The following TNKS variants were observed in gnomAD, a reference collection of about 807,000 sequenced individuals.
TNKS encodes the protein tankyrase, also known as poly [ADP-ribose] polymerase tankyrase-1.
Under a neutral mutation model 135.8 loss-of-function variants are expected in TNKS, and 72 were observed. That is an observed-to-expected ratio of 0.53 (90% confidence interval 0.44 to 0.64). The LOEUF (loss-of-function observed/expected upper bound fraction) is 0.64, where lower values mean the gene tolerates loss of function less well. Ranked by LOEUF, TNKS falls within the 30% of genes least tolerant of loss-of-function variation. TNKS has a pLI of 0.00. For synonymous variants in TNKS, 849 were observed against 649.3 expected (o/e 1.31, Z -4.68); for missense variants, 1,769 against 1,674.0 (o/e 1.06, Z -0.99).
intron 5 of TNKS, among the ~76,000 whole-genome samples, chr8:9,695,693 A>G (rs1467693551): frequency 2.0e-5 from 3 of 152,210 alleles, no homozygotes; most frequent in Non-Finnish European, 1.5e-5. Flanking sequence ...GGCTGTTGCC[A>G]CTAGCCAGCT....
intron 2 of TNKS, among the ~76,000 whole-genome samples, chr8:9,584,616 T>A (rs997107960): frequency 6.6e-6 from 1 of 152,208 alleles, no homozygotes; most frequent in Non-Finnish European, 1.5e-5. Context: ...ACTTGCAAAT[T>A]AGTATAATTG....
At chr8:9,768,832 C>G (rs1411346900) in intron 25 of TNKS, among the ~76,000 whole-genome samples, 2 of 152,166 alleles carry the variant, frequency 1.3e-5, no homozygotes, top group African/African-American at 2.4e-5. Flanking sequence ...GTAGACCAAG[C>G]CAGCATCCCA....
chr8:9,672,939 C>T (rs1189155037), intron 3 of TNKS, among the ~76,000 whole-genome samples: 1 of 152,118 alleles, frequency 6.6e-6, no homozygotes, highest in African/African-American at 2.4e-5. Context: ...ACTGTGGTCA[C>T]AAAGGCTGTT....
In TNKS at chr8:9,602,508, C is replaced by G. The variant is rs1360523137; in HGVS notation, c.899-13074C>G. 2.6e-5 allele frequency among the ~76,000 whole-genome samples: 4 copies of G among 152,200 alleles called. No homozygotes were observed. In the East Asian group the frequency reaches 5.8e-4, roughly 22 times the overall value. On this transcript the variant is annotated intron_variant, in intron 2 of 26. Transcript: ENST00000310430. ...CAGGGTATCACAAGGCATTGAGCCA[C>G]CACTCAGATTAACTGAGGTTCATGT...
At position 9,731,090 on chromosome 8, in the gene TNKS, T is replaced by C. The variant is rs1414956502; in HGVS notation, c.2147+55T>C. The C allele has an allele frequency of 2.7e-6, 4 of 1,462,204 alleles. No individual in the cohort carries two copies. The Admixed American group carries it at 1.0e-4, about 38-fold the overall frequency. 90.6% of individuals were successfully genotyped at this position (1,462,204 alleles called of 1,614,324 possible). A position where few individuals can be genotyped will look rare whatever the true frequency, so the allele number is the denominator to read the frequency against. Reference sequence around the variant, plus strand: ...TCATTCTCTTCATGCTTAAAAAATTTAAAATATTTTTGAAGTCTTAGATTT... The same window carrying C: ...TCATTCTCTTCATGCTTAAAAAATTCAAAATATTTTTGAAGTCTTAGATTT... On this transcript the variant is annotated intron_variant, in intron 14 of 26. Transcript: ENST00000310430.
At chr8:9,746,485 C>T (rs1806242099) in intron 17 of TNKS, among the ~76,000 whole-genome samples, 1 of 152,102 alleles carries the variant, frequency 6.6e-6, no homozygotes. Flanking sequence ...AGTTCTTCTC[C>T]AGCTTCCATT....
intron 16 of TNKS, 67 bp downstream of exon 16, chr8:9,735,151 G>C: frequency 1.3e-6 from 2 of 1,484,956 alleles, no homozygotes; most frequent in Non-Finnish European, 1.8e-6. Flanking sequence ...TTTACTAAAA[G>C]ACGAAAGCCA....
In TNKS at chr8:9,646,877, G is replaced by C. The variant is rs368536676; in HGVS notation, c.994+31200G>C. On this transcript the variant is annotated intron_variant, in intron 3 of 26. Coordinates refer to ENST00000310430, the MANE Select transcript of TNKS (RefSeq NM_003747.3). The stretch of plus-strand genomic sequence containing the variant: ...CTTTTGTACTCTGGCAGTTCATCAA[G>C]TATTTGAAGAGCACTATTATGCGAC... Among the ~76,000 whole-genome samples, 15 of 152,060 alleles carry C rather than the reference G, an allele frequency of 9.9e-5. No individual in the cohort carries two copies. The East Asian group carries it at 1.5e-3, about 16-fold the overall frequency.
chr8:9,565,348 C>A (rs975974033), intron 1 of TNKS, among the ~76,000 whole-genome samples: 8 of 151,936 alleles, frequency 5.3e-5, no homozygotes, highest in African/African-American at 1.9e-4. Flanking sequence ...ATCCCTTTTG[C>A]CTTTTCAGTA....
intron 16 of TNKS, 122 bp downstream of exon 16, chr8:9,735,206 C>T (rs1241046571): frequency 1.7e-6 from 2 of 1,146,012 alleles, no homozygotes; most frequent in East Asian, 5.1e-5. Context: ...TCTTGATTGA[C>T]ATAGTTTTGT....
At chr8:9,735,637 A>T in intron 17 of TNKS, 151 bp downstream of exon 17, 1 of 601,522 alleles carries the variant, frequency 1.7e-6, no homozygotes, top group South Asian at 2.0e-5. Context: ...CGTCTCTACT[A>T]AAAATACAAA....
chr8:9,602,585 T>A (rs1444923386), intron 2 of TNKS, among the ~76,000 whole-genome samples: 1 of 152,204 alleles, frequency 6.6e-6, no homozygotes, highest in African/African-American at 2.4e-5. Context: ...GAGCACCTGG[T>A]GGAGCCAGTA....
At chr8:9,765,821 G>A (rs1430069853) in intron 24 of TNKS, 24 bp downstream of exon 24, 1 of 1,598,444 alleles carries the variant, frequency 6.3e-7, no homozygotes, top group Non-Finnish European at 8.6e-7. Context: ...CAGGGACGGT[G>A]GACGTCTCCC....
At chr8:9,624,562 T>A (rs528527879) in intron 3 of TNKS, among the ~76,000 whole-genome samples, 16 of 152,230 alleles carry the variant, frequency 1.1e-4, no homozygotes, top group Non-Finnish European at 1.9e-4. Flanking sequence ...GATATTGACA[T>A]TGATGCAGTC....
intron 1 of TNKS, among the ~76,000 whole-genome samples, chr8:9,573,286 C>T (rs1177767534): frequency 1.3e-5 from 2 of 152,112 alleles, no homozygotes; most frequent in African/African-American, 4.8e-5. Context: ...CAGAGTAATT[C>T]CAGGGCTGCC....
At chr8:9,616,068 T>C (rs1191147816) in intron 3 of TNKS, among the ~76,000 whole-genome samples, 1 of 152,198 alleles carries the variant, frequency 6.6e-6, no homozygotes, top group Non-Finnish European at 1.5e-5. Context: ...GCCTGCTGCC[T>C]TATTTCTTGG....
At chr8:9,690,105 A>G (rs1264866186) in intron 5 of TNKS, among the ~76,000 whole-genome samples, 5 of 152,178 alleles carry the variant, frequency 3.3e-5, no homozygotes, top group Admixed American at 6.5e-5. Context: ...TCTACCAGCT[A>G]TTTCTCATTC....
intron 26 of TNKS, among the ~76,000 whole-genome samples, chr8:9,771,216 A>G (rs1271925065): frequency 7.3e-6 from 1 of 136,768 alleles, no homozygotes; most frequent in East Asian, 2.5e-4. Context: ...GAAGAGAGAG[A>G]GGAAGGGAGG....
intron 3 of TNKS, among the ~76,000 whole-genome samples, chr8:9,645,813 C>T (rs1158513410): frequency 1.3e-5 from 2 of 152,066 alleles, no homozygotes; most frequent in African/African-American, 4.8e-5. Context: ...AAACAAGTTT[C>T]TTTCTTGTGT....
Sources: gnomAD v4.1 joint callset for allele counts (sites outside exome capture counted in the v4.1 genomes callset) on GRCh38, gnomAD v4.1.1 for gene constraint, MANE v1.5 for transcripts, NCBI Gene and HGNC (gene_info 2026-07-23, HGNC 2026-07-21) for gene names.